PEX5L: variants seen among roughly 807,000 people sequenced by gnomAD.
PEX5L encodes peroxisomal biogenesis factor 5 like.
A neutral mutation model predicts 84.0 loss-of-function variants in PEX5L; 30 were observed. That is an observed-to-expected ratio of 0.36 (90% confidence interval 0.27 to 0.48). The LOEUF is 0.48. Ranked by LOEUF, PEX5L falls within the 20% of genes least tolerant of loss-of-function variation. PEX5L has a pLI of 0.99. For missense variants in PEX5L, 533 were observed against 754.6 expected (o/e 0.71, Z 3.44); for synonymous variants, 270 against 283.1 (o/e 0.95, Z 0.46).
intron 1 of PEX5L, among the ~76,000 whole-genome samples, chr3:179,996,374 C>G (rs1787892380): frequency 6.6e-6 from 1 of 152,138 alleles, no homozygotes; most frequent in African/African-American, 2.4e-5. Context: ...AGTAGGGACT[C>G]TGCATTTAAT....
In PEX5L at chr3:179,797,277, G is replaced by C. The variant is rs1717328745; in HGVS notation, c.*4551C>G. ...AACCAGATGTGTGAATATCTGTAAAGTTCAGTGTGATAGCATGAAAACAAT... is the reference window on the plus strand; with the variant it reads ...AACCAGATGTGTGAATATCTGTAAACTTCAGTGTGATAGCATGAAAACAAT... On this transcript the variant is annotated 3_prime_UTR_variant, in exon 15 of 15. Coordinates refer to ENST00000467460, the MANE Select transcript of PEX5L (RefSeq NM_016559.3). 1 of 152,120 alleles carries C rather than the reference G, an allele frequency of 6.6e-6. No individual in the cohort carries two copies. Among genetic ancestry groups the C allele is most frequent in the African/African-American group, 2.4e-5 (1 of 41,420 alleles). 9.4% of individuals were successfully genotyped at this position (152,120 alleles called of 1,614,324 possible).
intron 7 of PEX5L, among the ~76,000 whole-genome samples, chr3:179,865,650 T>C (rs2177592): frequency 0.47 from 70,910 of 151,918 alleles, 17,090 homozygotes; most frequent in East Asian, 0.79. Flanking sequence ...ACGTTACACT[T>C]ATACATTTGA....
chr3:179,908,288 G>A (rs538069379), intron 2 of PEX5L, among the ~76,000 whole-genome samples: 2 of 152,292 alleles, frequency 1.3e-5, no homozygotes, highest in Admixed American at 6.5e-5. Context: ...GTAGCTGGGG[G>A]TGGTCAAGGT....
chr3:179,908,220 T>C (rs771869765), intron 2 of PEX5L, among the ~76,000 whole-genome samples: 2 of 152,196 alleles, frequency 1.3e-5, no homozygotes, highest in Non-Finnish European at 2.9e-5. Context: ...TCTCACTTTG[T>C]GGAGAAGAGT....
Position 179,795,561 on chromosome 3 carries a change from A to G in PEX5L, c.*6267T>C, listed in dbSNP as rs570586653. The G allele has an allele frequency of 1.3e-5, 2 of 151,956 alleles. No individual in the cohort carries two copies. Among genetic ancestry groups the G allele is most frequent in the Admixed American group, 1.3e-4 (2 of 15,292 alleles). 9.4% of individuals were successfully genotyped at this position (151,956 alleles called of 1,614,324 possible). The stretch of plus-strand genomic sequence containing the variant: ...TATCACATAATATGCCAATCACTTT[A>G]AAATCCCCTCCCCCCCATTGCCATT... On this transcript the variant is annotated 3_prime_UTR_variant, in exon 15 of 15. Coordinates refer to ENST00000467460, the MANE Select transcript of PEX5L (RefSeq NM_016559.3).
intron 7 of PEX5L, among the ~76,000 whole-genome samples, chr3:179,871,167 A>G (rs1473160447): frequency 1.4e-5 from 2 of 146,580 alleles, no homozygotes; most frequent in Admixed American, 1.4e-4. Flanking sequence ...CAGTAGCACA[A>G]TCTTGGCTCA....
Position 179,796,678 on chromosome 3 carries a change from C to T in PEX5L, c.*5150G>A, listed in dbSNP as rs1717109844. 1 of 152,188 alleles carries T rather than the reference C, an allele frequency of 6.6e-6. No homozygotes were observed. Among genetic ancestry groups the T allele is most frequent in the Admixed American group, 6.5e-5 (1 of 15,284 alleles). 9.4% of individuals were successfully genotyped at this position (152,188 alleles called of 1,614,324 possible). A position where few individuals can be genotyped will look rare whatever the true frequency, so the allele number is the denominator to read the frequency against. ...ACTAATGTAAGACCACATGGTCTCA[C>T]TGAGCTTTGCTCTCTCCCTTTCTGG... On this transcript the variant is annotated 3_prime_UTR_variant, in exon 15 of 15. Transcript: ENST00000467460.
At position 179,796,551 on chromosome 3, in the gene PEX5L, A is replaced by G. The variant is rs982614573; in HGVS notation, c.*5277T>C. 1.3e-5 allele frequency: 2 copies of G among 151,396 alleles called. No individual in the cohort carries two copies. Among genetic ancestry groups the G allele is most frequent in the African/African-American group, 4.9e-5 (2 of 41,138 alleles). 9.4% of individuals were successfully genotyped at this position (151,396 alleles called of 1,614,324 possible). A position where few individuals can be genotyped will look rare whatever the true frequency, so the allele number is the denominator to read the frequency against. On this transcript the variant is annotated 3_prime_UTR_variant, in exon 15 of 15. Transcript: ENST00000467460. Reference sequence around the variant, plus strand: ...CCTCTTAACTGTTTAATGCCTCCCCACAATCGTCTTTGCTATGTGTGTTAT... The same window carrying G: ...CCTCTTAACTGTTTAATGCCTCCCCGCAATCGTCTTTGCTATGTGTGTTAT...
At chr3:179,935,593 T>C (rs1484089336) in intron 2 of PEX5L, among the ~76,000 whole-genome samples, 2 of 152,222 alleles carry the variant, frequency 1.3e-5, no homozygotes, top group Non-Finnish European at 2.9e-5. Context: ...AATACATGTT[T>C]TTTAGAGTTA....
At chr3:179,982,236 T>C (rs1786399156) in intron 1 of PEX5L, among the ~76,000 whole-genome samples, 1 of 152,198 alleles carries the variant, frequency 6.6e-6, no homozygotes, top group East Asian at 1.9e-4. Context: ...CAAAGTTTGA[T>C]TCTTGCTTCT....
intron 2 of PEX5L, among the ~76,000 whole-genome samples, chr3:179,947,779 T>A (rs929200227): frequency 2.0e-5 from 3 of 148,178 alleles, no homozygotes; most frequent in Non-Finnish European, 4.4e-5. Context: ...TGATCTCCAC[T>A]CACCGCAAGC....
intron 4 of PEX5L, among the ~76,000 whole-genome samples, chr3:179,884,166 G>GC (rs1311685254): frequency 2.0e-5 from 3 of 152,086 alleles, no homozygotes; most frequent in Non-Finnish European, 4.4e-5. Flanking sequence ...GTAGAAAAAC[G>GC]CCCCCCTCTA....
intron 3 of PEX5L, among the ~76,000 whole-genome samples, chr3:179,890,135 C>CTTAA: frequency 6.6e-6 from 1 of 152,224 alleles, no homozygotes; most frequent in African/African-American, 2.4e-5. Flanking sequence ...ACCATATGTG[C>CTTAA]TTAATGTAAT....
intron 1 of PEX5L, among the ~76,000 whole-genome samples, chr3:180,028,620 T>G (rs1326002103): frequency 6.6e-6 from 1 of 152,164 alleles, no homozygotes; most frequent in East Asian, 1.9e-4. Flanking sequence ...GTAAGGCAGA[T>G]TTCACTTCAG....
intron 1 of PEX5L, among the ~76,000 whole-genome samples, chr3:179,975,512 G>A (rs1227980726): frequency 6.6e-6 from 1 of 152,090 alleles, no homozygotes; most frequent in Non-Finnish European, 1.5e-5. Context: ...TGCAATTTTT[G>A]CCTAACTACA....
intron 8 of PEX5L, among the ~76,000 whole-genome samples, chr3:179,852,680 T>A (rs1349586944): frequency 2.0e-5 from 3 of 152,228 alleles, no homozygotes; most frequent in Non-Finnish European, 4.4e-5. Flanking sequence ...CTCTGATGAC[T>A]GAACTGTACT....
intron 1 of PEX5L, among the ~76,000 whole-genome samples, chr3:180,022,167 T>C (rs75081596): frequency 0.22 from 32,957 of 152,256 alleles, 4,617 homozygotes; most frequent in Non-Finnish European, 0.31. Context: ...TGATCAATGC[T>C]ATCACATTCT....
At chr3:180,028,049 T>C (rs955721727) in intron 1 of PEX5L, among the ~76,000 whole-genome samples, 1 of 152,198 alleles carries the variant, frequency 6.6e-6, no homozygotes, top group Admixed American at 6.5e-5. Flanking sequence ...TTAGTTAAGG[T>C]GTTATCCAAT....
intron 13 of PEX5L, 136 bp from the exon 14 acceptor site, chr3:179,807,967 A>G: frequency 1.3e-6 from 1 of 760,044 alleles, no homozygotes; most frequent in South Asian, 2.3e-5. Context: ...GGCCAGGTGA[A>G]TTACTAAAAA....
Sources: allele counts gnomAD v4.1 joint callset (sites outside exome capture counted in the v4.1 genomes callset), GRCh38; gene constraint gnomAD v4.1.1; transcripts MANE v1.5; gene names NCBI Gene and HGNC (gene_info 2026-07-23, HGNC 2026-07-21).